MBNL2: variants seen among roughly 807,000 people sequenced by gnomAD.
The protein encoded by MBNL2 is muscleblind-like protein 2.
A neutral mutation model predicts 41.9 loss-of-function variants in MBNL2; 17 were observed. The observed-to-expected ratio is 0.41, with a 90% CI of 0.28 to 0.61. MBNL2 has a LOEUF of 0.61. Among genes scored for constraint, MBNL2 ranks in the 20% least tolerant of loss-of-function variants. MBNL2 has a pLI of 0.35. For synonymous variants in MBNL2, 195 were observed against 182.9 expected, an observed-to-expected ratio of 1.07 and a Z score of -0.53; for missense variants, 336 against 505.6, an observed-to-expected ratio of 0.66 and a Z score of 3.22.
At chr13:97,274,070 G>GA (rs950868295) in intron 1 of MBNL2, among the ~76,000 whole-genome samples, 4 of 151,418 alleles carry the variant, frequency 2.6e-5, no homozygotes, top group East Asian at 1.9e-4. Flanking sequence ...TCAAAAAAAA[G>GA]AAAAAAAATT....
In MBNL2 at chr13:97,334,525, C is replaced by T. The variant is rs759794238; in HGVS notation, c.339+85C>T. 11 of 924,888 alleles carry T rather than the reference C, an allele frequency of 1.2e-5. No individual in the cohort carries two copies. Among genetic ancestry groups the T allele is most frequent in the Non-Finnish European group, 1.6e-5 (10 of 637,850 alleles). 57.3% of individuals were successfully genotyped at this position (924,888 alleles called of 1,614,324 possible). ...CACGTTGACCTAGGGTGGCCTCTCT[C>T]CACTTTGTCACTTTGGTTACAATTA... is the stretch of plus-strand genomic sequence containing the variant. On this transcript the variant is annotated intron_variant, in intron 3 of 8. Transcript: ENST00000679496. This position sits in a 1 kb window ranked among gnomAD's most constrained non-coding sequence, Gnocchi z 5.3.
the MBNL2 span, among the ~76,000 whole-genome samples, chr13:97,153,822 C>G: frequency 2.6e-5 from 4 of 152,116 alleles, no homozygotes. Context: ...AAGAGACTTC[C>G]TAAAATTTGG....
At chr13:97,316,757 G>A (rs1388649448) in intron 2 of MBNL2, among the ~76,000 whole-genome samples, 2 of 152,154 alleles carry the variant, frequency 1.3e-5, no homozygotes, top group African/African-American at 2.4e-5. Context: ...CAACCCACCA[G>A]CACTCCCCAT....
At chr13:97,259,651 A>G (rs1267811225) in intron 1 of MBNL2, among the ~76,000 whole-genome samples, 1 of 152,146 alleles carries the variant, frequency 6.6e-6, no homozygotes, top group Non-Finnish European at 1.5e-5. Context: ...CTAAAAATAC[A>G]CTTCTCCTTA....
chr13:97,149,366 C>A, the MBNL2 span, among the ~76,000 whole-genome samples: 1 of 152,162 alleles, frequency 6.6e-6, no homozygotes, highest in African/African-American at 2.4e-5. Flanking sequence ...AATGTCAACT[C>A]TGCATCTTCC....
chr13:97,369,563 T>C (rs2064167978), intron 8 of MBNL2, among the ~76,000 whole-genome samples: 1 of 152,242 alleles, frequency 6.6e-6, no homozygotes, highest in Non-Finnish European at 1.5e-5. Flanking sequence ...TTTGATCAAT[T>C]CAGACTGTCA....
At chr13:97,166,828 A>ATAGG in the MBNL2 span, among the ~76,000 whole-genome samples, 1 of 151,498 alleles carries the variant, frequency 6.6e-6, no homozygotes, top group African/African-American at 2.4e-5. Context: ...AGATAGATAG[A>ATAGG]TAGATAGATA....
rs77515049 is a variant in MBNL2 at position 97,340,581 on chromosome 13, C to A, written c.340-2435C>A. Among the ~76,000 whole-genome samples the A allele has an allele frequency of 4.2e-3, 633 of 152,200 alleles. 5 individuals carry two copies. Among genetic ancestry groups the A allele is most frequent in the African/African-American group, 0.015 (614 of 41,518 alleles). ...GAGTGCAATAGCGCCTTGTTCTGCC[C>A]AACCCTTTCAGCTAAGTAGTTTCAC... On this transcript the variant is annotated intron_variant, in intron 3 of 8. Transcript: ENST00000679496.
At chr13:97,201,106 C>T in the MBNL2 span, among the ~76,000 whole-genome samples, 1 of 152,038 alleles carries the variant, frequency 6.6e-6, no homozygotes, top group Non-Finnish European at 1.5e-5. Context: ...CTTCGAAAGC[C>T]ACTTCTTCTT....
intron 2 of MBNL2, among the ~76,000 whole-genome samples, chr13:97,307,386 A>C (rs140988302): frequency 6.6e-6 from 1 of 151,516 alleles, no homozygotes; most frequent in African/African-American, 2.4e-5. Flanking sequence ...TTTCTTCTAC[A>C]CATTTTATGG....
At chr13:97,189,065 A>AT in the MBNL2 span, among the ~76,000 whole-genome samples, 510 of 146,414 alleles carry the variant, frequency 3.5e-3, 2 homozygotes, top group African/African-American at 8.8e-3. Context: ...CTACTTCTGT[A>AT]TTTTTTTTTT....
chr13:97,194,315 T>C, the MBNL2 span, among the ~76,000 whole-genome samples: 2 of 152,258 alleles, frequency 1.3e-5, no homozygotes, highest in Admixed American at 1.3e-4. Flanking sequence ...CCTACCACTG[T>C]ACCTGGTACA....
chr13:97,368,056 T>A (rs2064007331), intron 8 of MBNL2, among the ~76,000 whole-genome samples: 1 of 152,198 alleles, frequency 6.6e-6, no homozygotes. Flanking sequence ...AAGTCCTGCC[T>A]CCTTGAACTA....
chr13:97,191,295 G>T, the MBNL2 span, among the ~76,000 whole-genome samples: 1 of 150,772 alleles, frequency 6.6e-6, no homozygotes, highest in Non-Finnish European at 1.5e-5. Context: ...GTGGGGAGGA[G>T]CCTGGCCCCT....
Position 97,355,685 on chromosome 13 carries a change from T to C in MBNL2, c.805-1111T>C, listed in dbSNP as rs191333804. Reference sequence around the variant, plus strand: ...CTAAATCAATCCATATTTGTTTTTATTTCAGTTGTTTAAATGAAACTGTCT... The same window carrying C: ...CTAAATCAATCCATATTTGTTTTTACTTCAGTTGTTTAAATGAAACTGTCT... On this transcript the variant is annotated intron_variant, in intron 5 of 8. Transcript: ENST00000679496. 5.3e-5 allele frequency among the ~76,000 whole-genome samples: 8 copies of C among 152,296 alleles called. No individual in the cohort carries two copies. In the East Asian group the frequency reaches 1.5e-3, roughly 29 times the overall value.
At chr13:97,225,279 G>C (rs141140406) in intron 1 of MBNL2, among the ~76,000 whole-genome samples, 513 of 152,254 alleles carry the variant, frequency 3.4e-3, no homozygotes, top group Non-Finnish European at 6.0e-3. Flanking sequence ...AGAATAAGTA[G>C]GTTCAATCTC....
the MBNL2 span, among the ~76,000 whole-genome samples, chr13:97,187,721 C>A: frequency 6.7e-6 from 1 of 149,798 alleles, no homozygotes; most frequent in Non-Finnish European, 1.5e-5. Flanking sequence ...TCCTGGCTAA[C>A]ACACTGAAAC....
At chr13:97,145,936 T>G in the MBNL2 span, among the ~76,000 whole-genome samples, 1 of 151,226 alleles carries the variant, frequency 6.6e-6, no homozygotes, top group Non-Finnish European at 1.5e-5. Context: ...ATGTCAGGTT[T>G]TACTTGCAGA....
At chr13:97,377,310 C>T (rs935052217) in intron 8 of MBNL2, among the ~76,000 whole-genome samples, 1 of 152,152 alleles carries the variant, frequency 6.6e-6, no homozygotes, top group Non-Finnish European at 1.5e-5. Context: ...GGAAAAGGAC[C>T]TAGAGTGGTT....
Sources: allele counts gnomAD v4.1 joint callset (sites outside exome capture counted in the v4.1 genomes callset), GRCh38; gene constraint gnomAD v4.1.1; non-coding constraint Gnocchi (gnomAD v3.1); transcripts MANE v1.5; gene names NCBI Gene and HGNC (gene_info 2026-07-23, HGNC 2026-07-21).